The following OPCML variants were observed in gnomAD, a reference collection of about 807,000 sequenced individuals.
The protein encoded by OPCML is opioid binding protein/cell adhesion molecule like.
Under a neutral mutation model 37.8 loss-of-function variants are expected in OPCML, and 13 were observed. That is an observed-to-expected ratio of 0.34 (90% CI 0.22 to 0.55). The LOEUF (loss-of-function observed/expected upper bound fraction) is 0.55. OPCML is among the 20% of genes least tolerant of loss of function. OPCML has a pLI of 0.91. For missense variants in OPCML, 341 were observed against 435.6 expected (o/e 0.78, Z 1.93); for synonymous variants, 176 against 168.8 (o/e 1.04, Z -0.33).
At chr11:132,879,641 G>A (rs556603993) in intron 2 of OPCML, among the ~76,000 whole-genome samples, 8 of 152,252 alleles carry the variant, frequency 5.3e-5, no homozygotes, top group East Asian at 3.9e-4. Context: ...GTGAAGTTCC[G>A]CTGCACAGCT....
At chr11:132,825,777 C>A (rs542590330) in intron 2 of OPCML, among the ~76,000 whole-genome samples, 1 of 152,268 alleles carries the variant, frequency 6.6e-6, no homozygotes, top group African/African-American at 2.4e-5. Flanking sequence ...GTTAGTTTAA[C>A]AAAGTGAAGG....
intron 1 of OPCML, among the ~76,000 whole-genome samples, chr11:133,359,397 G>A (rs1944364590): frequency 1.3e-5 from 2 of 152,202 alleles, no homozygotes; most frequent in Non-Finnish European, 2.9e-5. Context: ...TGTCTTGGAA[G>A]TGAAAAAGCC....
chr11:132,829,866 C>T (rs1940584356), intron 2 of OPCML, among the ~76,000 whole-genome samples: 1 of 152,094 alleles, frequency 6.6e-6, no homozygotes, highest in African/African-American at 2.4e-5. Context: ...ATTTGGGGTC[C>T]ACATCTCTCT....
intron 3 of OPCML, among the ~76,000 whole-genome samples, chr11:132,628,478 C>T (rs1331695226): frequency 6.6e-6 from 1 of 152,106 alleles, no homozygotes; most frequent in African/African-American, 2.4e-5. Context: ...CACTACCCCT[C>T]CCAGGATTAG....
intron 1 of OPCML, among the ~76,000 whole-genome samples, chr11:133,159,973 C>A (rs1435493621): frequency 6.6e-6 from 1 of 152,206 alleles, no homozygotes; most frequent in Non-Finnish European, 1.5e-5. Context: ...ACAGACAGAA[C>A]CAGCAATCAA....
chr11:133,380,127 G>A (rs1290165493), intron 1 of OPCML, among the ~76,000 whole-genome samples: 1 of 152,132 alleles, frequency 6.6e-6, no homozygotes, highest in Non-Finnish European at 1.5e-5. Context: ...GGCAGAGGAT[G>A]AAAATATAAA....
intron 3 of OPCML, among the ~76,000 whole-genome samples, chr11:132,612,466 C>A (rs537201137): frequency 4.6e-5 from 7 of 152,230 alleles, no homozygotes; most frequent in African/African-American, 1.4e-4. Flanking sequence ...ACTGTGAAAC[C>A]TGTTTTATCT....
chr11:133,374,011 AC>A (rs1376355256), intron 1 of OPCML, among the ~76,000 whole-genome samples: 2 of 152,186 alleles, frequency 1.3e-5, no homozygotes, highest in Non-Finnish European at 2.9e-5. Context: ...CTAGGTATTT[AC>A]CCAAAAGAAA....
intron 1 of OPCML, among the ~76,000 whole-genome samples, chr11:133,465,240 T>A (rs954899297): frequency 2.6e-5 from 4 of 152,196 alleles, no homozygotes; most frequent in Non-Finnish European, 4.4e-5. Context: ...CTGCAAACTC[T>A]GCTTCTGTTC....
At chr11:133,283,975 T>C (rs942861511) in intron 1 of OPCML, among the ~76,000 whole-genome samples, 4 of 152,148 alleles carry the variant, frequency 2.6e-5, no homozygotes, top group African/African-American at 9.7e-5. Flanking sequence ...AGTCAAGCCC[T>C]AAAACACCTT....
At chr11:133,330,675 A>C (rs1479622514) in intron 1 of OPCML, among the ~76,000 whole-genome samples, 3 of 127,090 alleles carry the variant, frequency 2.4e-5, no homozygotes, top group Non-Finnish European at 5.0e-5. Context: ...ATCACACACC[A>C]GGGACTGTTG....
intron 4 of OPCML, among the ~76,000 whole-genome samples, chr11:132,528,136 G>T (rs2096313650): frequency 6.6e-6 from 1 of 152,102 alleles, no homozygotes; most frequent in South Asian, 2.1e-4. Flanking sequence ...GTATTAATAT[G>T]AATTTATCAC....
intron 2 of OPCML, among the ~76,000 whole-genome samples, chr11:132,747,216 G>A (rs961683530): frequency 6.6e-6 from 1 of 152,162 alleles, no homozygotes; most frequent in African/African-American, 2.4e-5. Flanking sequence ...CTGGCATTCA[G>A]GAAAAATCAA....
chr11:132,705,768 G>T (rs1037405344), intron 2 of OPCML, among the ~76,000 whole-genome samples: 1 of 152,108 alleles, frequency 6.6e-6, no homozygotes, highest in East Asian at 1.9e-4. Flanking sequence ...GCAGAACTGT[G>T]AACCTATTAA....
chr11:133,449,501 T>A (rs1037926085), intron 1 of OPCML, among the ~76,000 whole-genome samples: 4 of 152,298 alleles, frequency 2.6e-5, no homozygotes, highest in South Asian at 2.1e-4. Flanking sequence ...TTAGGAGGCT[T>A]AATAGGACAA....
intron 3 of OPCML, among the ~76,000 whole-genome samples, chr11:132,646,124 A>C (rs1269409048): frequency 6.6e-6 from 1 of 152,156 alleles, no homozygotes; most frequent in Non-Finnish European, 1.5e-5. Context: ...AATTGGGCTC[A>C]GTATATACTG....
intron 1 of OPCML, among the ~76,000 whole-genome samples, chr11:133,435,058 T>C (rs1046240967): frequency 3.3e-5 from 5 of 151,638 alleles, no homozygotes; most frequent in African/African-American, 1.2e-4. Context: ...TAGCATAGAG[T>C]TTATGTTAAT....
chr11:132,437,431 A>G, intron 4 of OPCML, 72 bp from the exon 5 acceptor site: 1 of 1,570,934 alleles, frequency 6.4e-7, no homozygotes, highest in Non-Finnish European at 8.6e-7. Context: ...ATTCACATCT[A>G]GAGATTGTAG....
At chr11:133,379,417 A>G (rs1944885075) in intron 1 of OPCML, among the ~76,000 whole-genome samples, 1 of 152,076 alleles carries the variant, frequency 6.6e-6, no homozygotes, top group East Asian at 1.9e-4. Flanking sequence ...TCAGCACTTC[A>G]TTTATTTGTG....
Sources: allele counts gnomAD v4.1 joint callset (sites outside exome capture counted in the v4.1 genomes callset), GRCh38; gene constraint gnomAD v4.1.1; transcripts MANE v1.5; gene names NCBI Gene and HGNC (gene_info 2026-07-23, HGNC 2026-07-21).